MGST2: variants seen among roughly 807,000 people sequenced by gnomAD.
MGST2 encodes the protein microsomal glutathione S-transferase 2, also known as glutathione peroxidase MGST2.
MGST2 carries 9 observed loss-of-function variants against 16.6 expected under a neutral mutation model. That is an observed-to-expected ratio of 0.54 (90% CI 0.33 to 0.95). MGST2 has a LOEUF of 0.95. MGST2 is among the 40% of genes least tolerant of loss of function. The pLI is 0.03. For missense variants in MGST2, 159 were observed against 175.1 expected (o/e 0.91, Z 0.52); for synonymous variants, 79 against 68.0 (o/e 1.16, Z -0.79).
rs70943436 is a variant in MGST2, at chr4:139,702,844, G to GTTTTTTTTTTTTTTTTTTTTTTTTTT, written c.230-610_230-585dup. ...TCCTCACCAACATTTTGTGTTACTG[G>GTTTTTTTTTTTTTTTTTTTTTTTTTT]TTTTTTTTTTTTTTTTTTTTTTTTT... On this transcript the variant is annotated intron_variant, in intron 3 of 4. Transcript: ENST00000265498. 5.0e-3 allele frequency among the ~76,000 whole-genome samples: 234 copies of GTTTTTTTTTTTTTTTTTTTTTTTTTT among 46,424 alleles called. 33 individuals are homozygous for GTTTTTTTTTTTTTTTTTTTTTTTTTT. The highest frequency in any genetic ancestry group is 6.8e-3 in the Non-Finnish European group (153 of 22,448). The allele number at this position is 46,424 out of a possible 152,430, so 30.5% of individuals were successfully genotyped here.
intron 5 of MGST2, chr4:139,730,729 G>C (rs1728672901): frequency 6.7e-7 from 1 of 1,486,136 alleles, no homozygotes; most frequent in Non-Finnish European, 9.2e-7. Flanking sequence ...GCTGTTTGAA[G>C]GGAAGCCCCT....
In MGST2 at chr4:139,678,568, G is replaced by C. The variant is rs747197814; in HGVS notation, c.84G>C (p.Lys28Asn). ...GTTATTTTGCTTTGCAAGTTGGAAA[G>C]GCAAGATTAAAATACAAAGTTACGC... The part of the protein sequence containing the change: ...QQSYFALQVG[K>N]ARLKYKVTPP... The change falls in exon 2 of 5, where the codon AAG (lysine) becomes AAC (asparagine). Residue 28 changes from lysine to asparagine, a missense_variant. By Grantham distance (94) the Lys-to-Asn change is moderately conservative. Coordinates refer to ENST00000265498, the MANE Select transcript of MGST2 (RefSeq NM_002413.5). 6.2e-7 allele frequency: 1 copy of C among 1,614,098 alleles called. No homozygotes were observed. The highest frequency in any genetic ancestry group is 1.7e-5 in the Admixed American group (1 of 60,020).
chr4:139,683,170 G>A (rs1470434979), intron 2 of MGST2, among the ~76,000 whole-genome samples: 1 of 152,236 alleles, frequency 6.6e-6, no homozygotes, highest in Non-Finnish European at 1.5e-5. Context: ...TTGAGGGTGG[G>A]GTTTCACCAG....
At chr4:139,728,314 C>T (rs557513956) in intron 5 of MGST2, among the ~76,000 whole-genome samples, 3 of 152,326 alleles carry the variant, frequency 2.0e-5, no homozygotes, top group African/African-American at 7.2e-5. Context: ...ACAGGCAAGA[C>T]GCTCCACTGA....
At chr4:139,741,464 G>T (rs1478053192), downstream of MGST2, among the ~76,000 whole-genome samples, 1 of 152,152 alleles carries the variant, frequency 6.6e-6, no homozygotes, top group East Asian at 1.9e-4. Context: ...TTTAAATTGT[G>T]CCCTGAGCTG....
At chr4:139,731,854 A>G (rs1728740666) in intron 5 of MGST2, among the ~76,000 whole-genome samples, 1 of 152,210 alleles carries the variant, frequency 6.6e-6, no homozygotes, top group Admixed American at 6.5e-5. Flanking sequence ...GTAGACTATT[A>G]GGGGAAAACA....
downstream of MGST2, among the ~76,000 whole-genome samples, chr4:139,708,731 G>T (rs113290467): frequency 6.6e-6 from 1 of 152,038 alleles, no homozygotes; most frequent in Non-Finnish European, 1.5e-5. Flanking sequence ...GGCCAGGCGC[G>T]GTGGCTCACG....
At chr4:139,707,994 C>T (rs1447050163), downstream of MGST2, among the ~76,000 whole-genome samples, 1 of 152,060 alleles carries the variant, frequency 6.6e-6, no homozygotes, top group Non-Finnish European at 1.5e-5. Context: ...AATTTTCTCC[C>T]ATTCTGTAGG....
chr4:139,694,609 G>T (rs557619244), intron 2 of MGST2, among the ~76,000 whole-genome samples: 1 of 152,220 alleles, frequency 6.6e-6, no homozygotes, highest in Admixed American at 6.5e-5. Flanking sequence ...CGTCTTCTAT[G>T]AATAGAGGCA....
At chr4:139,739,281 A>G (rs921903297) in intron 5 of MGST2, among the ~76,000 whole-genome samples, 17 of 152,198 alleles carry the variant, frequency 1.1e-4, no homozygotes, top group Admixed American at 9.8e-4. Flanking sequence ...GCTAAATGTG[A>G]GAATGCCACC....
rs1728901885 is a variant in MGST2 at position 139,735,514 on chromosome 4, G to A, written c.*49-4698G>A. On this transcript the variant is annotated intron_variant, in intron 5 of 5. Transcript: ENST00000616265. The surrounding 1 kb of genome is among the most constrained non-coding windows in gnomAD (Gnocchi z 5.8). Reference sequence around the variant, plus strand: ...CACCAGACCCCAGGGCCGACAGCCCGGGAGGGACCGGGTTCCAGGACCCCA... The same window carrying A: ...CACCAGACCCCAGGGCCGACAGCCCAGGAGGGACCGGGTTCCAGGACCCCA... Among the ~76,000 whole-genome samples the A allele has an allele frequency of 6.6e-6, 1 of 152,032 alleles. No individual in the cohort carries two copies. The highest frequency in any genetic ancestry group is 1.5e-5 in the Non-Finnish European group (1 of 67,992).
At chr4:139,734,829 A>C (rs933380480) in intron 5 of MGST2, among the ~76,000 whole-genome samples, 2 of 152,282 alleles carry the variant, frequency 1.3e-5, no homozygotes, top group African/African-American at 4.8e-5. Context: ...AAGAGCAGGG[A>C]ATCACAAAAG....
chr4:139,678,407 A>G (rs1179977852), intron 1 of MGST2, 136 bp from the exon 2 acceptor site: 9 of 729,304 alleles, frequency 1.2e-5, no homozygotes, highest in African/African-American at 1.8e-5. Context: ...GTCTTTTTTA[A>G]TTGCTATCAT....
chr4:139,735,456 C>G lies in MGST2; in HGVS notation c.*49-4756C>G, dbSNP rs1230566127. Among the ~76,000 whole-genome samples, 1 of 142,254 alleles carries G rather than the reference C, an allele frequency of 7.0e-6. No individual in the cohort carries two copies. Among genetic ancestry groups the G allele is most frequent in the Non-Finnish European group, 1.5e-5 (1 of 64,764 alleles). 93.3% of individuals were successfully genotyped at this position (142,254 alleles called of 152,430 possible). A position where few individuals can be genotyped will look rare whatever the true frequency, so the allele number is the denominator to read the frequency against. On this transcript the variant is annotated intron_variant, in intron 5 of 5. Coordinates refer to the MGST2 transcript ENST00000616265. This position sits in a 1 kb window ranked among gnomAD's most constrained non-coding sequence, Gnocchi z 5.8. The stretch of plus-strand genomic sequence containing the variant: ...AAGGGCTGGGAGTGGGGTAGGGGGG[C>G]AGTGGCGACCTCCGGGGGGGGAGGG...
At chr4:139,676,442 T>A (rs1313960096) in intron 1 of MGST2, among the ~76,000 whole-genome samples, 1 of 152,142 alleles carries the variant, frequency 6.6e-6, no homozygotes, top group Non-Finnish European at 1.5e-5. Flanking sequence ...AAGTCTGAAA[T>A]CTGCAGGAAA....
intron 3 of MGST2, among the ~76,000 whole-genome samples, chr4:139,695,625 C>G (rs747269048): frequency 6.6e-6 from 1 of 151,824 alleles, no homozygotes; most frequent in Non-Finnish European, 1.5e-5. Context: ...CTCAAAAAAA[C>G]AAACAAAAAA....
rs971393906 is a variant in MGST2, at chr4:139,725,673, G to A, written c.*49-14539G>A. The A allele has an allele frequency of 1.4e-5, 19 of 1,362,462 alleles. No homozygotes were observed. The African/African-American group carries it at 2.6e-4, about 19-fold the overall frequency. 84.4% of individuals were successfully genotyped at this position (1,362,462 alleles called of 1,614,324 possible). On this transcript the variant is annotated intron_variant, in intron 5 of 5. Coordinates refer to the MGST2 transcript ENST00000616265. ...TCCTGGACACAAATACAGCCAGTAA[G>A]GCAATGCCTCTGGCTACACATTCAC... is the stretch of plus-strand genomic sequence containing the variant.
the MGST2 span, among the ~76,000 whole-genome samples, chr4:139,745,962 C>T: frequency 2.0e-5 from 3 of 152,174 alleles, no homozygotes; most frequent in African/African-American, 7.2e-5. Flanking sequence ...ACTTGTTTCT[C>T]CAACTTTCTC....
At chr4:139,742,842 A>G (rs911240789), downstream of MGST2, among the ~76,000 whole-genome samples, 2 of 152,210 alleles carry the variant, frequency 1.3e-5, no homozygotes, top group Non-Finnish European at 2.9e-5. Flanking sequence ...CTTTTTGACT[A>G]TAACAATAGA....
Sources: gnomAD v4.1 joint callset for allele counts (sites outside exome capture counted in the v4.1 genomes callset) on GRCh38, gnomAD v4.1.1 for gene constraint, Gnocchi (gnomAD v3.1) non-coding constraint, MANE v1.5 for transcripts, NCBI Gene and HGNC (gene_info 2026-07-23, HGNC 2026-07-21) for gene names.